NDUFB9: variants seen among roughly 807,000 people sequenced by gnomAD.
NDUFB9 encodes NADH:ubiquinone oxidoreductase subunit B9, also known as NADH dehydrogenase [ubiquinone] 1 beta subcomplex subunit 9.
In NDUFB9, 24 loss-of-function variants were observed where a neutral mutation model predicts 30.2. That is an observed-to-expected ratio of 0.80 (90% CI 0.58 to 1.12). The LOEUF is 1.12. Ranked by LOEUF, NDUFB9 falls within the 50% of genes most tolerant of loss-of-function variation. The pLI, the probability that NDUFB9 is intolerant of heterozygous loss-of-function variation, is 0.00. For missense variants in NDUFB9, 204 were observed against 226.0 expected, an observed-to-expected ratio of 0.90 and a Z score of 0.62; for synonymous variants, 80 against 84.0, an observed-to-expected ratio of 0.95 and a Z score of 0.26.
At position 124,539,268 on chromosome 8, in the gene NDUFB9, G is replaced by C. The variant is rs755752997; in HGVS notation, c.82G>C (p.Glu28Gln). 5 of 1,614,080 alleles carry C rather than the reference G, an allele frequency of 3.1e-6. No individual in the cohort carries two copies. Among genetic ancestry groups the C allele is most frequent in the Admixed American group, 1.7e-5 (1 of 60,012 alleles). ...RLYKRALRHL[E>Q]SWCVQRDKYR... ...TTATAAGCGGGCGCTACGCCACCTC[G>C]AGTCGTGGTGCGTCCAGAGGTAAGG... The change falls in exon 1 of 4, where the codon GAG becomes CAG. Residue 28 changes from glutamate to glutamine, a missense_variant. Transcript: ENST00000276689.
intron 2 of NDUFB9, among the ~76,000 whole-genome samples, chr8:124,545,718 T>C (rs1034595970): frequency 2.6e-5 from 4 of 152,154 alleles, no homozygotes; most frequent in African/African-American, 9.7e-5. Context: ...TTTGTAGAGA[T>C]GGAATCTTGC....
At chr8:124,539,483 G>C (rs1821834118) in intron 1 of NDUFB9, 196 bp downstream of exon 1, 6 of 593,850 alleles carry the variant, frequency 1.0e-5, no homozygotes, top group Non-Finnish European at 1.5e-5. Flanking sequence ...TTGTAGAGTT[G>C]CTTGTCGGGT....
chr8:124,541,877 C>T (rs1280519419), intron 1 of NDUFB9, among the ~76,000 whole-genome samples: 2 of 151,718 alleles, frequency 1.3e-5, no homozygotes, highest in African/African-American at 4.8e-5. Flanking sequence ...GCTGGGATTA[C>T]AGGCGTGAGC....
chr8:124,544,543 G>A (rs1267383804), intron 2 of NDUFB9, among the ~76,000 whole-genome samples: 1 of 152,218 alleles, frequency 6.6e-6, no homozygotes, highest in Non-Finnish European at 1.5e-5. Flanking sequence ...AATGCAGTTG[G>A]TGGTTTTAAG....
chr8:124,548,898 G>T (rs769601197), intron 3 of NDUFB9, among the ~76,000 whole-genome samples: 7 of 152,220 alleles, frequency 4.6e-5, no homozygotes, highest in Non-Finnish European at 1.0e-4. Flanking sequence ...TGATTTGGAA[G>T]TTGTGCTGGT....
chr8:124,546,423 A>T (rs1008538420), intron 2 of NDUFB9, among the ~76,000 whole-genome samples: 1 of 152,196 alleles, frequency 6.6e-6, no homozygotes, highest in Non-Finnish European at 1.5e-5. Context: ...TTTTATATGC[A>T]CTGGGAAACC....
chr8:124,548,370 G>A (rs1822219497), intron 3 of NDUFB9, among the ~76,000 whole-genome samples: 1 of 152,226 alleles, frequency 6.6e-6, no homozygotes, highest in African/African-American at 2.4e-5. Context: ...TGGGTTAGAA[G>A]TTTTGAAGAT....
chr8:124,546,061 C>G (rs895055288), intron 2 of NDUFB9, among the ~76,000 whole-genome samples: 3 of 152,094 alleles, frequency 2.0e-5, no homozygotes, highest in Non-Finnish European at 2.9e-5. Context: ...AGGCTGGTCT[C>G]GAACTCCTGA....
intron 3 of NDUFB9, among the ~76,000 whole-genome samples, chr8:124,548,024 G>A (rs1479630117): frequency 2.6e-5 from 4 of 152,090 alleles, no homozygotes; most frequent in African/African-American, 9.7e-5. Context: ...TGGGTTTTAA[G>A]CTTTAACATC....
Position 124,543,289 on chromosome 8 carries a change from A to G in NDUFB9, c.294+10A>G, listed in dbSNP as rs1035588121. On this transcript the variant is annotated intron_variant, in intron 2 of 3. Coordinates refer to ENST00000276689, the MANE Select transcript of NDUFB9 (RefSeq NM_005005.3). ...ATACGATTGCTACAAGGTAGGTGAG[A>G]ATTATGATGACTGCCTTCTGAGAAA... The G allele has an allele frequency of 3.7e-6, 6 of 1,609,756 alleles. No individual in the cohort carries two copies. In the African/African-American group the frequency reaches 5.3e-5, roughly 14 times the overall value.
intron 3 of NDUFB9, 59 bp from the exon 4 acceptor site, chr8:124,549,702 C>T (rs1229928450): frequency 3.9e-6 from 6 of 1,546,468 alleles, no homozygotes; most frequent in Non-Finnish European, 5.4e-6. Context: ...CTGCAGCAGA[C>T]AGATTTTTAT....
chr8:124,546,861 T>C (rs778641472), intron 2 of NDUFB9, 139 bp from the exon 3 acceptor site: 4 of 755,630 alleles, frequency 5.3e-6, no homozygotes, highest in Non-Finnish European at 9.6e-6. Flanking sequence ...TGTTCCTTGC[T>C]TAGAGTTAGA....
chr8:124,549,737 G>T, intron 3 of NDUFB9, 24 bp from the exon 4 acceptor site: 1 of 1,610,780 alleles, frequency 6.2e-7, no homozygotes, highest in South Asian at 1.1e-5. Flanking sequence ...CTTTGGTAAT[G>T]ATTCCTTCCT....
At position 124,542,345 on chromosome 8, in the gene NDUFB9, C is replaced by G. The variant is rs140884128; in HGVS notation, c.102-742C>G. On this transcript the variant is annotated intron_variant, in intron 1 of 3. Coordinates refer to ENST00000276689, the MANE Select transcript of NDUFB9 (RefSeq NM_005005.3). ...GGGATTACAGGTGTGAGCCACCGCACCTGACCAGAAGACAGTAACTTACCC... is the reference window on the plus strand; with the variant it reads ...GGGATTACAGGTGTGAGCCACCGCAGCTGACCAGAAGACAGTAACTTACCC... Among the ~76,000 whole-genome samples the G allele has an allele frequency of 1.4e-3, 218 of 152,334 alleles. 1 individual carries two copies. The highest frequency in any genetic ancestry group is 5.1e-3 in the African/African-American group (214 of 41,572).
At chr8:124,542,951 G>T in intron 1 of NDUFB9, 136 bp from the exon 2 acceptor site, 1 of 834,560 alleles carries the variant, frequency 1.2e-6, no homozygotes, top group South Asian at 1.4e-5. Flanking sequence ...ATGATGATAC[G>T]GCTGCTCCAT....
chr8:124,546,082 T>C (rs543457478), intron 2 of NDUFB9, among the ~76,000 whole-genome samples: 79 of 152,332 alleles, frequency 5.2e-4, no homozygotes, highest in African/African-American at 1.6e-3. Flanking sequence ...CCTCAGGTGA[T>C]CCGCCTGCCT....
rs774020236 is a variant in NDUFB9 at position 124,549,829 on chromosome 8, G to C, written c.477G>C (p.Lys159Asn). The change falls in exon 4 of 4, where the codon AAG (lysine) becomes AAC (asparagine). Residue 159 changes from lysine (K) to asparagine (N), a missense_variant. Transcript: ENST00000276689. ...CTGAAGCTTTGCCCCCTGCCCGAAA[G>C]GAAGGTGATTTGCCCCCACTGTGGT... is the stretch of plus-strand genomic sequence containing the variant. ...PLTEALPPAR[K>N]EGDLPPLWWY... is the part of the protein sequence containing the mutation. The C allele has an allele frequency of 9.3e-6, 15 of 1,614,206 alleles. No homozygotes were observed. Among genetic ancestry groups the C allele is most frequent in the Non-Finnish European group, 1.3e-5 (15 of 1,180,048 alleles).
intron 3 of NDUFB9, among the ~76,000 whole-genome samples, chr8:124,548,096 C>A (rs146147711): frequency 1.7e-3 from 256 of 152,216 alleles, no homozygotes; most frequent in Middle Eastern, 6.8e-3. Context: ...GGTGTCAGAG[C>A]AGCAATCGAG....
chr8:124,547,184 A>G (rs770705343), intron 3 of NDUFB9, 71 bp downstream of exon 3: 4 of 1,142,886 alleles, frequency 3.5e-6, no homozygotes, highest in Non-Finnish European at 5.3e-6. Flanking sequence ...CCACAAGCAG[A>G]GGTCCAGATT....
Sources: allele counts gnomAD v4.1 joint callset (sites outside exome capture counted in the v4.1 genomes callset), GRCh38; gene constraint gnomAD v4.1.1; transcripts MANE v1.5; gene names NCBI Gene and HGNC (gene_info 2026-07-23, HGNC 2026-07-21).